ADAMTS16: variants seen among roughly 807,000 people sequenced by gnomAD.
ADAMTS16 encodes the protein A disintegrin and metalloproteinase with thrombospondin motifs 16.
Under a neutral mutation model 145.8 loss-of-function variants are expected in ADAMTS16, and 94 were observed. That is an observed-to-expected ratio of 0.64 (90% CI 0.55 to 0.77). ADAMTS16 has a LOEUF of 0.77. Among genes scored for constraint, ADAMTS16 ranks in the 30% least tolerant of loss-of-function variants. The pLI, the probability that ADAMTS16 is intolerant of heterozygous loss-of-function variation, is 0.00. For synonymous variants in ADAMTS16, 659 were observed against 604.3 expected (o/e 1.09, Z -1.33); for missense variants, 1,585 against 1,591.5 (o/e 1.00, Z 0.07).
At chr5:5,209,906 T>C (rs1245364146) in intron 10 of ADAMTS16, among the ~76,000 whole-genome samples, 2 of 152,188 alleles carry the variant, frequency 1.3e-5, no homozygotes, top group African/African-American at 4.8e-5. Flanking sequence ...TAGTTTATAA[T>C]AAAATCAAGA....
At chr5:5,240,018 A>G in intron 16 of ADAMTS16, 93 bp downstream of exon 16, 1 of 1,526,996 alleles carries the variant, frequency 6.5e-7, no homozygotes, top group Non-Finnish European at 8.8e-7. Context: ...TTTAAGAAGA[A>G]TGTAAACAGT....
chr5:5,168,614 T>A (rs1185518727), intron 3 of ADAMTS16, among the ~76,000 whole-genome samples: 1 of 108,072 alleles, frequency 9.3e-6, no homozygotes, highest in Non-Finnish European at 1.9e-5. Context: ...ATTATATTTT[T>A]ATATATTATA....
chr5:5,252,868 C>G (rs1343526763), intron 17 of ADAMTS16, among the ~76,000 whole-genome samples: 1 of 152,188 alleles, frequency 6.6e-6, no homozygotes, highest in East Asian at 1.9e-4. Context: ...TGTTACTCAT[C>G]TTTTCTTGTC....
chr5:5,244,228 C>A (rs907066284), intron 17 of ADAMTS16, among the ~76,000 whole-genome samples: 5 of 152,204 alleles, frequency 3.3e-5, no homozygotes, highest in Non-Finnish European at 7.3e-5. Context: ...AGGGTTTGAA[C>A]TATAGTCGAT....
chr5:5,214,117 G>A (rs1026406224), intron 10 of ADAMTS16, among the ~76,000 whole-genome samples: 2 of 152,138 alleles, frequency 1.3e-5, no homozygotes, highest in African/African-American at 4.8e-5. Context: ...CTCCTTGCAT[G>A]TTTTCCTTCT....
chr5:5,158,245 C>A (rs1240934416), intron 3 of ADAMTS16, among the ~76,000 whole-genome samples: 1 of 152,178 alleles, frequency 6.6e-6, no homozygotes, highest in Non-Finnish European at 1.5e-5. Context: ...TAAAGGGCAG[C>A]ACCATGATTG....
intron 18 of ADAMTS16, among the ~76,000 whole-genome samples, chr5:5,274,199 T>A (rs1354404865): frequency 6.6e-6 from 1 of 151,218 alleles, no homozygotes; most frequent in Non-Finnish European, 1.5e-5. Flanking sequence ...TGAGCCCACA[T>A]GGACACATCC....
At chr5:5,156,515 C>G (rs1474870668) in intron 3 of ADAMTS16, among the ~76,000 whole-genome samples, 1 of 152,156 alleles carries the variant, frequency 6.6e-6, no homozygotes, top group Non-Finnish European at 1.5e-5. Flanking sequence ...GCTAACTAAA[C>G]CTTGCTAGGC....
chr5:5,268,658 T>C (rs956663723), intron 18 of ADAMTS16, among the ~76,000 whole-genome samples: 1 of 152,130 alleles, frequency 6.6e-6, no homozygotes, highest in African/African-American at 2.4e-5. Flanking sequence ...ACTGCATACA[T>C]CCACCTGCAC....
At position 5,318,190 on chromosome 5, in the gene ADAMTS16, GGGCC is replaced by G; in HGVS notation, c.3477_3480del (p.Ala1160GlnfsTer107). 1 of 1,561,944 alleles carries G rather than the reference GGGCC, an allele frequency of 6.4e-7. No individual in the cohort carries two copies. The highest frequency in any genetic ancestry group is 8.7e-7 in the Non-Finnish European group (1 of 1,149,496). On this transcript the variant is annotated frameshift_variant, in exon 22 of 23. Transcript: ENST00000274181. LOFTEE classifies it high-confidence loss of function. ...CGAGGTCCGTGCAGTGCCTGGCTGG[GGGCC>G]GGCCGGCCTCAGGCTGCCTCCTGCA...
chr5:5,151,479 C>G (rs978234986), intron 3 of ADAMTS16, among the ~76,000 whole-genome samples: 1 of 151,932 alleles, frequency 6.6e-6, no homozygotes. Flanking sequence ...ACCTTGTGAT[C>G]CACCCGCCTC....
intron 18 of ADAMTS16, among the ~76,000 whole-genome samples, chr5:5,299,457 T>C (rs1186205217): frequency 1.3e-5 from 2 of 152,236 alleles, no homozygotes; most frequent in Non-Finnish European, 2.9e-5. Flanking sequence ...TAAACCCTTT[T>C]TGGAAACTTG....
At position 5,140,686 on chromosome 5, in the gene ADAMTS16, C is replaced by T. The variant is rs1284501509; in HGVS notation, c.95C>T (p.Pro32Leu). The change falls in exon 2 of 23, where the codon CCC becomes CTC. Residue 32 changes from proline to leucine, a missense_variant. Transcript: ENST00000274181. ...AEQAPACAMG[P>L]AAAAPGSPSV... ...CAGGCACCTGCGTGCGCCATGGGAC[C>T]CGCAGCGGCAGCGCCTGGGAGCCCG... is the stretch of plus-strand genomic sequence containing the variant. 1 of 1,560,910 alleles carries T rather than the reference C, an allele frequency of 6.4e-7. No homozygotes were observed. The highest frequency in any genetic ancestry group is 8.7e-7 in the Non-Finnish European group (1 of 1,155,990).
chr5:5,264,075 T>C (rs150685220), intron 18 of ADAMTS16, among the ~76,000 whole-genome samples: 2 of 152,286 alleles, frequency 1.3e-5, no homozygotes, highest in African/African-American at 4.8e-5. Flanking sequence ...CAACTGAGCC[T>C]GGGGTCTTTA....
chr5:5,288,523 G>A (rs1364749130), intron 18 of ADAMTS16, among the ~76,000 whole-genome samples: 2 of 152,108 alleles, frequency 1.3e-5, no homozygotes, highest in Non-Finnish European at 2.9e-5. Flanking sequence ...GAATCATTCA[G>A]GAATTTTCGG....
intron 3 of ADAMTS16, among the ~76,000 whole-genome samples, chr5:5,158,908 T>C (rs533093333): frequency 5.1e-4 from 77 of 152,344 alleles, no homozygotes; most frequent in African/African-American, 1.9e-3. Flanking sequence ...TTGCCTATCG[T>C]GTATTAAGAT....
chr5:5,241,588 G>A (rs1737294106), intron 16 of ADAMTS16, among the ~76,000 whole-genome samples: 1 of 152,164 alleles, frequency 6.6e-6, no homozygotes, highest in African/African-American at 2.4e-5. Context: ...ATCTCTTTCT[G>A]ATTTGCTCAG....
intron 18 of ADAMTS16, among the ~76,000 whole-genome samples, chr5:5,294,229 G>A (rs1739442581): frequency 6.6e-6 from 1 of 152,228 alleles, no homozygotes; most frequent in Non-Finnish European, 1.5e-5. Context: ...ATATGCGGAT[G>A]TGCCTGTGTG....
chr5:5,273,393 C>T (rs1401235260), intron 18 of ADAMTS16, among the ~76,000 whole-genome samples: 1 of 152,194 alleles, frequency 6.6e-6, no homozygotes, highest in African/African-American at 2.4e-5. Flanking sequence ...TGTGGTGGCA[C>T]ACGCCTGTGC....
Sources: allele counts gnomAD v4.1 joint callset (sites outside exome capture counted in the v4.1 genomes callset), GRCh38; gene constraint gnomAD v4.1.1; transcripts MANE v1.5; gene names NCBI Gene and HGNC (gene_info 2026-07-23, HGNC 2026-07-21).